RANBP2: variants seen among roughly 807,000 people sequenced by gnomAD.
The protein encoded by RANBP2 is E3 SUMO-protein ligase RanBP2.
In RANBP2, 57 loss-of-function variants were observed where a neutral mutation model predicts 303.6. The ratio of observed to expected loss-of-function variants is 0.19; its 90% CI spans 0.15 to 0.23. The LOEUF (loss-of-function observed/expected upper bound fraction) is 0.23, where lower values mean the gene tolerates loss of function less well. RANBP2 is among the 10% of genes least tolerant of loss of function. The probability of loss-of-function intolerance (pLI) is 1.00; values close to 1 mark genes in which losing one functional copy is unlikely to be tolerated. For synonymous variants in RANBP2, 1,167 were observed against 1,301.5 expected (o/e 0.90, Z 2.23); for missense variants, 3,138 against 3,780.8 (o/e 0.83, Z 4.46).
chr2:108,890,821 G>T, the RANBP2 span, among the ~76,000 whole-genome samples: 1 of 152,012 alleles, frequency 6.6e-6, no homozygotes, highest in Non-Finnish European at 1.5e-5. Context: ...ATCACTTTGT[G>T]TTTTCCCAAG....
chr2:109,165,719 C>T, the RANBP2 span, among the ~76,000 whole-genome samples: 1 of 152,154 alleles, frequency 6.6e-6, no homozygotes, highest in African/African-American at 2.4e-5. Flanking sequence ...AGTGGGGAGG[C>T]TTTCTGCTGC....
chr2:108,794,366 C>G, the RANBP2 span: 1 of 186,552 alleles, frequency 5.4e-6, no homozygotes. Flanking sequence ...ATACCCTTCA[C>G]CCAAATTTTC....
the RANBP2 span, among the ~76,000 whole-genome samples, chr2:109,460,952 G>A: frequency 4.6e-5 from 7 of 152,344 alleles, no homozygotes; most frequent in Admixed American, 4.6e-4. Flanking sequence ...TTCAGGTGGT[G>A]CCTGCATATG....
chr2:109,009,352 A>G, the RANBP2 span, among the ~76,000 whole-genome samples: 1 of 142,350 alleles, frequency 7.0e-6, no homozygotes, highest in Non-Finnish European at 1.5e-5. Flanking sequence ...ATATATATAT[A>G]AATAAATAAA....
chr2:109,074,337 C>T, the RANBP2 span, among the ~76,000 whole-genome samples: 5 of 150,206 alleles, frequency 3.3e-5, 1 homozygote, highest in Non-Finnish European at 7.4e-5. Flanking sequence ...CACTGCACTC[C>T]AGCCTGGACA....
At chr2:108,740,114 T>A (rs1450291796) in intron 6 of RANBP2, among the ~76,000 whole-genome samples, 3 of 152,222 alleles carry the variant, frequency 2.0e-5, no homozygotes, top group African/African-American at 4.8e-5. Context: ...ATGTCTAATT[T>A]GAGAAATTAC....
chr2:109,047,245 C>T, the RANBP2 span, among the ~76,000 whole-genome samples: 1 of 152,198 alleles, frequency 6.6e-6, no homozygotes, highest in Non-Finnish European at 1.5e-5. Flanking sequence ...GGCAGAGGTC[C>T]TAGTCCCCCA....
chr2:109,615,426 G>T, the RANBP2 span: 4 of 1,613,056 alleles, frequency 2.5e-6, no homozygotes, highest in Non-Finnish European at 3.4e-6. Context: ...CGCCAAGCAC[G>T]GCAGGCAGGA....
the RANBP2 span, among the ~76,000 whole-genome samples, chr2:109,303,885 A>G: frequency 2.7e-4 from 41 of 152,214 alleles, no homozygotes; most frequent in African/African-American, 9.6e-4. Context: ...TGTTATTAAC[A>G]TTGTTATTAT....
the RANBP2 span, among the ~76,000 whole-genome samples, chr2:108,941,941 A>G: frequency 6.6e-6 from 1 of 152,228 alleles, no homozygotes; most frequent in Non-Finnish European, 1.5e-5. Context: ...TCTGCTGCAC[A>G]GAGAGGCCTG....
the RANBP2 span, among the ~76,000 whole-genome samples, chr2:109,043,501 C>T: frequency 5.7e-3 from 872 of 152,244 alleles, 4 homozygotes; most frequent in Non-Finnish European, 7.2e-3. Flanking sequence ...AGCCATCATG[C>T]CAGGCTAATT....
the RANBP2 span, among the ~76,000 whole-genome samples, chr2:109,604,416 A>T: frequency 9.2e-6 from 1 of 108,418 alleles, no homozygotes; most frequent in Non-Finnish European, 1.9e-5. Context: ...AAAAGAAAGA[A>T]AGAAAAAAGA....
the RANBP2 span, among the ~76,000 whole-genome samples, chr2:109,152,343 T>C: frequency 1.3e-5 from 2 of 152,220 alleles, no homozygotes; most frequent in Non-Finnish European, 2.9e-5. Context: ...GCCCTTTCCC[T>C]GGTGCATTTG....
the RANBP2 span, among the ~76,000 whole-genome samples, chr2:109,579,091 C>T: frequency 6.6e-6 from 1 of 151,964 alleles, no homozygotes; most frequent in South Asian, 2.1e-4. Flanking sequence ...TCAGGAAAGA[C>T]AGAATATCAT....
the RANBP2 span, among the ~76,000 whole-genome samples, chr2:109,324,058 T>C: frequency 6.6e-6 from 1 of 152,262 alleles, no homozygotes; most frequent in Non-Finnish European, 1.5e-5. Context: ...TGGAAGCAGA[T>C]AATATGTGGC....
At chr2:109,519,138 T>G in the RANBP2 span, among the ~76,000 whole-genome samples, 1 of 151,904 alleles carries the variant, frequency 6.6e-6, no homozygotes, top group Admixed American at 6.6e-5. Flanking sequence ...AGGCTGGTCT[T>G]GAACTCCTGA....
chr2:109,433,820 G>A, the RANBP2 span, among the ~76,000 whole-genome samples: 3 of 152,194 alleles, frequency 2.0e-5, no homozygotes, highest in South Asian at 2.1e-4. Context: ...GAGATCCTTC[G>A]CTCAGGTGAT....
At chr2:109,108,862 A>G in the RANBP2 span, among the ~76,000 whole-genome samples, 1 of 152,148 alleles carries the variant, frequency 6.6e-6, no homozygotes, top group African/African-American at 2.4e-5. Context: ...ACTGGCCCGA[A>G]AAACCTTGTC....
At chr2:109,129,864 G>C in the RANBP2 span, 1 of 1,525,706 alleles carries the variant, frequency 6.6e-7, no homozygotes, top group Non-Finnish European at 8.8e-7. Flanking sequence ...TGGACGAACT[G>C]CCCGCCAACA....
Sources: gnomAD v4.1 joint callset for allele counts (sites outside exome capture counted in the v4.1 genomes callset) on GRCh38, gnomAD v4.1.1 for gene constraint, MANE v1.5 for transcripts, NCBI Gene and HGNC (gene_info 2026-07-23, HGNC 2026-07-21) for gene names.